ITGB1: variants seen among roughly 807,000 people sequenced by gnomAD.
ITGB1 encodes the protein integrin beta-1.
ITGB1 carries 24 observed loss-of-function variants against 86.5 expected under a neutral mutation model. The observed-to-expected ratio is 0.28, with a 90% CI of 0.20 to 0.39. The LOEUF (loss-of-function observed/expected upper bound fraction) is 0.39, where lower values mean the gene tolerates loss of function less well. ITGB1 is among the 10% of genes least tolerant of loss of function. ITGB1 has a pLI of 1.00. For synonymous variants in ITGB1, 323 were observed against 316.8 expected, an observed-to-expected ratio of 1.02 and a Z score of -0.21; for missense variants, 556 against 946.9, an observed-to-expected ratio of 0.59 and a Z score of 5.42.
intron 6 of ITGB1, among the ~76,000 whole-genome samples, chr10:32,924,145 G>A (rs768149108): frequency 3.3e-5 from 5 of 152,084 alleles, no homozygotes; most frequent in Non-Finnish European, 7.4e-5. Flanking sequence ...TTACCCCACT[G>A]CTGCTGTCTT....
In ITGB1 at chr10:32,918,085, A is replaced by G. The variant is rs188498644; in HGVS notation, c.1469+1800T>C. Among the ~76,000 whole-genome samples the G allele has an allele frequency of 1.0e-3, 159 of 152,328 alleles. 2 individuals are homozygous for G. Among genetic ancestry groups the G allele is most frequent in the Non-Finnish European group, 1.8e-3 (123 of 68,036 alleles). On this transcript the variant is annotated intron_variant, in intron 11 of 15. Transcript: ENST00000302278. ...TGGAAACCATCATTCTGAGAAAACTATCGCAAGGACAGAAAACCAAACACT... is the reference window on the plus strand; with the variant it reads ...TGGAAACCATCATTCTGAGAAAACTGTCGCAAGGACAGAAAACCAAACACT...
At chr10:32,929,276 T>G (rs1189603353) in intron 4 of ITGB1, among the ~76,000 whole-genome samples, 1 of 151,652 alleles carries the variant, frequency 6.6e-6, no homozygotes, top group Admixed American at 6.6e-5. Flanking sequence ...TAGAGCAGGA[T>G]GAGGAGGAGA....
chr10:32,929,823 T>A lies in ITGB1; in HGVS notation c.375A>T (p.Ser125=). The A allele has an allele frequency of 6.3e-7, 1 of 1,581,160 alleles. No homozygotes were observed. Among genetic ancestry groups the A allele is most frequent in the Non-Finnish European group, 8.7e-7 (1 of 1,149,946 alleles). Residue 125 remains serine, a splice_region_variant and synonymous_variant, in exon 4 of 16, where the codon TCA becomes TCT. Coordinates refer to ENST00000302278, the MANE Select transcript of ITGB1 (RefSeq NM_002211.4). ...QPQQLVLRLR[S]GEPQTFTLKF... is the part of the protein sequence containing the mutation. ...ATTCACAGAGTTGGGCTTCCATACC[T>A]GATCTTAATCGCAAAACCAACTGCT...
chr10:32,922,375 T>C (rs1396659030), intron 8 of ITGB1, 29 bp from the exon 9 acceptor site: 1 of 1,418,476 alleles, frequency 7.0e-7, no homozygotes, highest in South Asian at 1.2e-5. Context: ...ACACGTAAAA[T>C]ACAACTGCTA....
Position 32,922,267 on chromosome 10 carries a change from T to C in ITGB1, c.1118A>G (p.Asp373Gly), listed in dbSNP as rs775092729. 1.3e-6 allele frequency: 2 copies of C among 1,585,924 alleles called. No individual in the cohort carries two copies. Among genetic ancestry groups the C allele is most frequent in the South Asian group, 2.2e-5 (2 of 89,898 alleles). ...NSSNVIQLII[D>G]AYNSLSSEVI... ...TTAAGATGTACTCACATTGTATGCA[T>C]CAATGATCAACTGAATTACATTGCT... Residue 373 changes from aspartate to glycine, a missense_variant, in exon 9 of 16, where the codon GAT (aspartate) becomes GGT (glycine). This residue lies in a region of ITGB1 where 330 missense variants were observed against 531.5 expected (regional missense o/e 0.62). Coordinates refer to ENST00000302278, the MANE Select transcript of ITGB1 (RefSeq NM_002211.4).
chr10:32,935,431 G>T, intron 2 of ITGB1, 61 bp downstream of exon 2: 2 of 1,039,728 alleles, frequency 1.9e-6, no homozygotes, highest in Admixed American at 1.7e-5. Context: ...AACCTAACTG[G>T]TCAAAGCGCA....
rs527565939 is a variant in ITGB1 at position 32,926,345 on chromosome 10, T to C, written c.548-236A>G. On this transcript the variant is annotated intron_variant, in intron 5 of 15. Transcript: ENST00000302278. ...AGGGCAGAGCCCTCATGAATGGGATTAGTAACTGATACAGTTTGGGTATCT... is the reference window on the plus strand; with the variant it reads ...AGGGCAGAGCCCTCATGAATGGGATCAGTAACTGATACAGTTTGGGTATCT... Among the ~76,000 whole-genome samples the C allele has an allele frequency of 3.9e-5, 6 of 152,270 alleles. No homozygotes were observed. In the South Asian group the frequency reaches 1.2e-3, roughly 32 times the overall value.
chr10:32,925,287 G>A (rs2094961297), intron 6 of ITGB1, among the ~76,000 whole-genome samples: 1 of 152,274 alleles, frequency 6.6e-6, no homozygotes, highest in South Asian at 2.1e-4. Flanking sequence ...GCTTGCTACT[G>A]AAAATCTTAC....
At chr10:32,944,843 A>C in intron 1 of ITGB1, 1 of 1,173,736 alleles carries the variant, frequency 8.5e-7, no homozygotes, top group Non-Finnish European at 1.3e-6. Flanking sequence ...TGATGATCTG[A>C]CTGGGGATCC....
chr10:32,939,497 G>A (rs893977941), intron 1 of ITGB1, among the ~76,000 whole-genome samples: 5 of 152,116 alleles, frequency 3.3e-5, no homozygotes, highest in East Asian at 1.9e-4. Flanking sequence ...CAGGCTCTAC[G>A]GTACAGCCTA....
intron 11 of ITGB1, among the ~76,000 whole-genome samples, chr10:32,917,421 C>G (rs1565822336): frequency 6.6e-6 from 1 of 152,050 alleles, no homozygotes; most frequent in South Asian, 2.1e-4. Flanking sequence ...CAGAATGGGA[C>G]ACAATTTTTA....
Position 32,901,376 on chromosome 10 carries a change from T to C in ITGB1, c.*194A>G. On this transcript the variant is annotated 3_prime_UTR_variant, in exon 16 of 16. Coordinates refer to ENST00000302278, the MANE Select transcript of ITGB1 (RefSeq NM_002211.4). ...ACAAGAGTAACCATCCTGTCTCAAGTCTTTTGTCAGTCCCTGGCATGAATT... is the reference window on the plus strand; with the variant it reads ...ACAAGAGTAACCATCCTGTCTCAAGCCTTTTGTCAGTCCCTGGCATGAATT... 2.1e-6 allele frequency: 1 copy of C among 483,492 alleles called. No individual in the cohort carries two copies. The highest frequency in any genetic ancestry group is 3.7e-6 in the Non-Finnish European group (1 of 269,402). 30.0% of individuals were successfully genotyped at this position (483,492 alleles called of 1,614,324 possible).
chr10:32,925,030 T>A (rs955510860), intron 6 of ITGB1, among the ~76,000 whole-genome samples: 32 of 152,216 alleles, frequency 2.1e-4, no homozygotes, highest in South Asian at 6.2e-4. Flanking sequence ...ATTTTGGGCA[T>A]CAATTAGCAC....
chr10:32,937,489 G>A (rs1593878652), intron 1 of ITGB1, among the ~76,000 whole-genome samples: 1 of 149,668 alleles, frequency 6.7e-6, no homozygotes, highest in East Asian at 2.0e-4. Flanking sequence ...CCGGGAGGCG[G>A]AGGTTGCAGT....
At chr10:32,928,654 T>C (rs1490813136) in intron 4 of ITGB1, among the ~76,000 whole-genome samples, 1 of 152,146 alleles carries the variant, frequency 6.6e-6, no homozygotes, top group African/African-American at 2.4e-5. Flanking sequence ...CTGTGTGTAG[T>C]GGGATGCCAC....
intron 3 of ITGB1, among the ~76,000 whole-genome samples, chr10:32,932,302 T>C (rs1442306091): frequency 1.3e-5 from 2 of 152,226 alleles, no homozygotes; most frequent in Admixed American, 1.3e-4. Context: ...ATCTTGTATA[T>C]CTTTGAAACT....
chr10:32,910,771 TG>T (rs1414159374), intron 13 of ITGB1, among the ~76,000 whole-genome samples: 2 of 152,096 alleles, frequency 1.3e-5, no homozygotes, highest in East Asian at 3.9e-4. Flanking sequence ...TTTTTTGCGA[TG>T]GAGTCTTGTT....
chr10:32,925,377 CTCTT>C (rs1426259444), intron 6 of ITGB1, among the ~76,000 whole-genome samples: 1 of 152,162 alleles, frequency 6.6e-6, no homozygotes, highest in Admixed American at 6.6e-5. Context: ...AAAAAGTTCT[CTCTT>C]TTTGAATTAC....
chr10:32,904,805 C>A (rs2094891693), intron 15 of ITGB1, among the ~76,000 whole-genome samples: 1 of 152,168 alleles, frequency 6.6e-6, no homozygotes. Flanking sequence ...TACCAAACTT[C>A]TGCTTCCTGA....
Sources: gnomAD v4.1 joint callset for allele counts (sites outside exome capture counted in the v4.1 genomes callset) on GRCh38, gnomAD v4.1.1 for gene constraint, gnomAD v4.1.1 regional missense constraint, MANE v1.5 for transcripts, NCBI Gene and HGNC (gene_info 2026-07-23, HGNC 2026-07-21) for gene names.